Variants in DTNB observed in about 807,000 individuals in gnomAD.
DTNB encodes the protein DTN-B.
In DTNB, 63 loss-of-function variants were observed where a neutral mutation model predicts 90.7. The ratio of observed to expected loss-of-function variants is 0.69; its 90% CI spans 0.57 to 0.86. The LOEUF (loss-of-function observed/expected upper bound fraction) is 0.86. Ranked by LOEUF, DTNB falls within the 40% of genes least tolerant of loss-of-function variation. The pLI, the probability that DTNB is intolerant of heterozygous loss-of-function variation, is 0.00. For missense variants in DTNB, 744 were observed against 807.1 expected, an observed-to-expected ratio of 0.92 and a Z score of 0.95; for synonymous variants, 277 against 286.7, an observed-to-expected ratio of 0.97 and a Z score of 0.34.
chr2:25,498,182 A>G (rs2069457034), intron 9 of DTNB, among the ~76,000 whole-genome samples: 1 of 152,206 alleles, frequency 6.6e-6, no homozygotes, highest in Non-Finnish European at 1.5e-5. Flanking sequence ...CAAAAACTAC[A>G]CAAGTATTTA....
chr2:25,629,775 T>TC (rs1171636309), intron 3 of DTNB, among the ~76,000 whole-genome samples: 1 of 152,146 alleles, frequency 6.6e-6, no homozygotes, highest in Non-Finnish European at 1.5e-5. Context: ...ATAAAGGGCA[T>TC]CTACAACAAA....
At chr2:25,659,724 C>T (rs1025258516) in intron 1 of DTNB, among the ~76,000 whole-genome samples, 8 of 151,822 alleles carry the variant, frequency 5.3e-5, no homozygotes, top group African/African-American at 1.9e-4. Flanking sequence ...CCAGAATAAC[C>T]CTATAATTAC....
At chr2:25,397,241 G>C (rs192567735) in intron 16 of DTNB, among the ~76,000 whole-genome samples, 3 of 151,930 alleles carry the variant, frequency 2.0e-5, no homozygotes, top group East Asian at 1.9e-4. Context: ...AGGAGGCCAA[G>C]GGAGAAGAAT....
chr2:25,506,307 C>T (rs963061469), intron 9 of DTNB, among the ~76,000 whole-genome samples: 1 of 151,944 alleles, frequency 6.6e-6, no homozygotes, highest in East Asian at 1.9e-4. Context: ...ATGTTCCCAA[C>T]ACACAGCAAT....
At chr2:25,577,579 C>A (rs2060888725) in intron 7 of DTNB, among the ~76,000 whole-genome samples, 1 of 151,786 alleles carries the variant, frequency 6.6e-6, no homozygotes, top group Non-Finnish European at 1.5e-5. Flanking sequence ...CTAATCTAAT[C>A]ATTCCAATGT....
intron 3 of DTNB, among the ~76,000 whole-genome samples, chr2:25,633,990 G>A (rs1442486377): frequency 1.3e-5 from 2 of 151,748 alleles, no homozygotes; most frequent in African/African-American, 4.8e-5. Context: ...CGCCCCGTCA[G>A]AGAAGTGAGG....
At chr2:25,381,493 C>T (rs1449473037) in intron 19 of DTNB, among the ~76,000 whole-genome samples, 1 of 152,160 alleles carries the variant, frequency 6.6e-6, no homozygotes, top group Admixed American at 6.5e-5. Flanking sequence ...AGTCCTCCTG[C>T]CTCTGCCTCC....
chr2:25,481,733 T>C (rs1411892399), intron 10 of DTNB: 1 of 152,216 alleles, frequency 6.6e-6, no homozygotes, highest in Admixed American at 6.5e-5. Context: ...TTGCCCAAAC[T>C]TGCTTGATGA....
chr2:25,420,740 CCCAAAGTG>C, intron 15 of DTNB, among the ~76,000 whole-genome samples: 1 of 152,178 alleles, frequency 6.6e-6, no homozygotes, highest in Non-Finnish European at 1.5e-5. Context: ...ACCTTGGCCT[CCCAAAGTG>C]TTGGGATTAC....
intron 3 of DTNB, among the ~76,000 whole-genome samples, chr2:25,630,440 T>C (rs1338674499): frequency 6.6e-6 from 1 of 152,194 alleles, no homozygotes; most frequent in Admixed American, 6.5e-5. Context: ...AGGTGCATTA[T>C]TCATAAAAGC....
chr2:25,647,714 A>G (rs901713124), intron 2 of DTNB, among the ~76,000 whole-genome samples: 1 of 152,150 alleles, frequency 6.6e-6, no homozygotes. Context: ...GTCTCTATCA[A>G]TCAGCCAATC....
rs2065328880 is a variant in DTNB, at chr2:25,483,062, G to A, written c.1002-189C>T. 4.0e-5 allele frequency among the ~76,000 whole-genome samples: 6 copies of A among 151,238 alleles called. No homozygotes were observed. In the South Asian group the frequency reaches 8.4e-4, roughly 21 times the overall value. On this transcript the variant is annotated intron_variant, in intron 9 of 20. Transcript: ENST00000406818. ...GGAGGTGGGGACCCATGGAGGGGGG[G>A]AACCCTTGGGGAGGGGGGTAGAAAT...
chr2:25,592,428 C>T (rs563381742), intron 6 of DTNB, among the ~76,000 whole-genome samples: 1 of 152,038 alleles, frequency 6.6e-6, no homozygotes, highest in African/African-American at 2.4e-5. Context: ...ATATCTTTAC[C>T]AGTATTCGAA....
At chr2:25,577,529 T>G (rs2060878622) in intron 7 of DTNB, among the ~76,000 whole-genome samples, 1 of 149,622 alleles carries the variant, frequency 6.7e-6, no homozygotes, top group African/African-American at 2.6e-5. Flanking sequence ...AAAAAAGATT[T>G]AATACATCAG....
intron 16 of DTNB, among the ~76,000 whole-genome samples, chr2:25,403,655 T>G (rs1286354802): frequency 6.6e-6 from 1 of 152,210 alleles, no homozygotes; most frequent in Non-Finnish European, 1.5e-5. Context: ...ATGAGTCTAA[T>G]TTAAATGTTA....
intron 5 of DTNB, among the ~76,000 whole-genome samples, chr2:25,599,282 T>A (rs2065304148): frequency 6.6e-6 from 1 of 151,722 alleles, no homozygotes; most frequent in South Asian, 2.1e-4. Flanking sequence ...CTGATTGACA[T>A]AAGCAAATCA....
chr2:25,499,067 T>G (rs777568073), intron 9 of DTNB, among the ~76,000 whole-genome samples: 21 of 150,784 alleles, frequency 1.4e-4, no homozygotes, highest in Non-Finnish European at 2.7e-4. Flanking sequence ...AATAGGAAAA[T>G]TAGCCAGGCA....
intron 8 of DTNB, among the ~76,000 whole-genome samples, chr2:25,547,490 A>G (rs1465099062): frequency 6.6e-6 from 1 of 151,912 alleles, no homozygotes; most frequent in Non-Finnish European, 1.5e-5. Flanking sequence ...TGTCCAGCCC[A>G]TTTTTGTGTT....
intron 16 of DTNB, 27 bp downstream of exon 16, chr2:25,419,488 C>A: frequency 6.4e-7 from 1 of 1,557,500 alleles, no homozygotes; most frequent in Non-Finnish European, 8.7e-7. Flanking sequence ...AGCGAGAGTC[C>A]GGCGGGAAAT....
Sources: allele counts gnomAD v4.1 joint callset (sites outside exome capture counted in the v4.1 genomes callset), GRCh38; gene constraint gnomAD v4.1.1; transcripts MANE v1.5; gene names NCBI Gene and HGNC (gene_info 2026-07-23, HGNC 2026-07-21).